Variants in ZNF831 observed in about 807,000 individuals in gnomAD.
The protein encoded by ZNF831 is zinc finger protein 831.
ZNF831 carries 59 observed loss-of-function variants against 95.8 expected under a neutral mutation model. The ratio of observed to expected loss-of-function variants is 0.62; its 90% CI spans 0.50 to 0.77. ZNF831 has a LOEUF of 0.77. Among genes scored for constraint, ZNF831 ranks in the 30% least tolerant of loss-of-function variants. The pLI is 0.00. For missense variants in ZNF831, 2,205 were observed against 2,164.0 expected (o/e 1.02, Z -0.38); for synonymous variants, 961 against 925.5 (o/e 1.04, Z -0.70).
intron 4 of ZNF831, among the ~76,000 whole-genome samples, chr20:59,237,306 G>A (rs1987051595): frequency 6.6e-6 from 1 of 152,128 alleles, no homozygotes; most frequent in Non-Finnish European, 1.5e-5. Context: ...GCTGTGGGAT[G>A]CTGGTTTTCT....
At chr20:59,167,095 C>A (rs563079168) in intron 1 of ZNF831, among the ~76,000 whole-genome samples, 42 of 152,344 alleles carry the variant, frequency 2.8e-4, no homozygotes, top group African/African-American at 1.0e-3. Context: ...CCAGCATTTG[C>A]TGTTTCACTA....
intron 1 of ZNF831, among the ~76,000 whole-genome samples, chr20:59,186,649 G>A (rs981340232): frequency 6.6e-6 from 1 of 152,218 alleles, no homozygotes; most frequent in Non-Finnish European, 1.5e-5. Context: ...TCAGCTAGTA[G>A]AAAGGTTGCA....
intron 4 of ZNF831, among the ~76,000 whole-genome samples, chr20:59,210,495 C>T (rs1265411806): frequency 6.6e-6 from 1 of 152,216 alleles, no homozygotes; most frequent in Non-Finnish European, 1.5e-5. Flanking sequence ...AGCAGGGACA[C>T]CTGCTCCTCT....
chr20:59,127,037 A>G (rs1979194251), intron 1 of ZNF831, among the ~76,000 whole-genome samples: 1 of 151,746 alleles, frequency 6.6e-6, no homozygotes. Context: ...TACCTACCTC[A>G]TGACTTCTCG....
intron 4 of ZNF831, among the ~76,000 whole-genome samples, chr20:59,209,582 T>A (rs1274904831): frequency 1.3e-5 from 2 of 152,172 alleles, no homozygotes; most frequent in Non-Finnish European, 2.9e-5. Context: ...GATGACAGTG[T>A]CTCCACTTGG....
At chr20:59,185,238 C>T (rs530676321) in intron 1 of ZNF831, among the ~76,000 whole-genome samples, 1 of 152,288 alleles carries the variant, frequency 6.6e-6, no homozygotes, top group African/African-American at 2.4e-5. Context: ...AGCGTCATCT[C>T]CCTCGAGGAA....
chr20:59,203,327 G>A (rs939782247), intron 3 of ZNF831, among the ~76,000 whole-genome samples: 1 of 151,804 alleles, frequency 6.6e-6, no homozygotes, highest in African/African-American at 2.4e-5. Context: ...ATATTTGATC[G>A]ACAGGGTCTC....
At chr20:59,168,605 T>C (rs1183295900) in intron 1 of ZNF831, among the ~76,000 whole-genome samples, 1 of 152,154 alleles carries the variant, frequency 6.6e-6, no homozygotes, top group African/African-American at 2.4e-5. Flanking sequence ...TTTATTTTAC[T>C]GGCTAAAACT....
At position 59,256,503 on chromosome 20, in the gene ZNF831, A is replaced by T. The variant is rs1364656624; in HGVS notation, c.*1760A>T. On this transcript the variant is annotated 3_prime_UTR_variant, in exon 6 of 6. Coordinates refer to ENST00000371030, the MANE Select transcript of ZNF831 (RefSeq NM_178457.3). The stretch of plus-strand genomic sequence containing the variant: ...TGTAGGCAAATGGTCTGAGCCTTGG[A>T]TGGAGATTGAAGTCCTGACTTTAGC... The T allele has an allele frequency of 6.6e-6, 1 of 152,204 alleles. No individual in the cohort carries two copies. The highest frequency in any genetic ancestry group is 1.5e-5 in the Non-Finnish European group (1 of 68,024). The allele number at this position is 152,204 out of a possible 1,614,324, so 9.4% of individuals were successfully genotyped here.
At chr20:59,187,755 T>C (rs1281990702) in intron 1 of ZNF831, among the ~76,000 whole-genome samples, 2 of 152,208 alleles carry the variant, frequency 1.3e-5, no homozygotes, top group African/African-American at 4.8e-5. Flanking sequence ...TTCCAGAACA[T>C]TTTCATCACC....
At chr20:59,137,750 G>A (rs1979555251) in intron 1 of ZNF831, among the ~76,000 whole-genome samples, 1 of 152,196 alleles carries the variant, frequency 6.6e-6, no homozygotes, top group Non-Finnish European at 1.5e-5. Flanking sequence ...CTGGGTGGAG[G>A]GACCTGGCAG....
In ZNF831 at chr20:59,256,130, G is replaced by A. The variant is rs1988177441; in HGVS notation, c.*1387G>A. On this transcript the variant is annotated 3_prime_UTR_variant, in exon 6 of 6. Coordinates refer to ENST00000371030, the MANE Select transcript of ZNF831 (RefSeq NM_178457.3). The stretch of plus-strand genomic sequence containing the variant: ...TGACATCTTGTACTTCAGAGACACA[G>A]CAGCAATGCAGAGCATCTCACACAT... 6.6e-6 allele frequency: 1 copy of A among 152,056 alleles called. No individual in the cohort carries two copies. Among genetic ancestry groups the A allele is most frequent in the African/African-American group, 2.4e-5 (1 of 41,278 alleles). 9.4% of individuals were successfully genotyped at this position (152,056 alleles called of 1,614,324 possible).
chr20:59,130,738 G>A (rs1266503359), intron 1 of ZNF831, among the ~76,000 whole-genome samples: 1 of 152,166 alleles, frequency 6.6e-6, no homozygotes, highest in African/African-American at 2.4e-5. Flanking sequence ...GGACACATCT[G>A]TGCCTTTGGT....
chr20:59,238,070 A>G (rs1239561528), intron 4 of ZNF831, among the ~76,000 whole-genome samples: 1 of 152,148 alleles, frequency 6.6e-6, no homozygotes, highest in Admixed American at 6.5e-5. Flanking sequence ...AGTCATCCAT[A>G]TTTTATCTGC....
At position 59,157,110 on chromosome 20, in the gene ZNF831, G is replaced by T. The variant is rs908199974; in HGVS notation, c.-1280-2542G>T. On this transcript the variant is annotated intron_variant, in intron 2 of 7. Coordinates refer to the ZNF831 transcript ENST00000637017. ...TTATACTCTTTTAATTTTTAAATGT[G>T]CTATAAATTATTGTTGACTGTAGTC... Among the ~76,000 whole-genome samples the T allele has an allele frequency of 5.9e-5, 9 of 152,134 alleles. No individual in the cohort carries two copies. The East Asian group carries it at 1.5e-3, about 26-fold the overall frequency.
chr20:59,151,390 C>G (rs1370186042), intron 2 of ZNF831, among the ~76,000 whole-genome samples: 1 of 152,180 alleles, frequency 6.6e-6, no homozygotes, highest in African/African-American at 2.4e-5. Flanking sequence ...GAGAATAATC[C>G]TAACCACAGT....
intron 4 of ZNF831, among the ~76,000 whole-genome samples, chr20:59,249,490 G>A (rs112591583): frequency 6.9e-4 from 105 of 152,180 alleles, no homozygotes; most frequent in African/African-American, 2.2e-3. Context: ...GAGGGCCAGC[G>A]TCACCTTTGT....
rs746394548 is a variant in ZNF831 at position 59,253,866 on chromosome 20, C to CG, written c.4189-32_4189-31insG. ...TCTTTGTACCAATTAACCTCCCCCC[C>CG]CACTTTTTTTTTCCTTTGCACTTTG... On this transcript the variant is annotated intron_variant, in intron 5 of 5. Transcript: ENST00000371030. The CG allele has an allele frequency of 2.9e-5, 33 of 1,139,068 alleles. 6 individuals carry two copies. In the East Asian group the frequency reaches 7.5e-4, roughly 26 times the overall value. 70.6% of individuals were successfully genotyped at this position (1,139,068 alleles called of 1,614,324 possible). A position where few individuals can be genotyped will look rare whatever the true frequency, so the allele number is the denominator to read the frequency against.
intron 1 of ZNF831, among the ~76,000 whole-genome samples, chr20:59,171,120 T>G (rs1452433282): frequency 6.6e-6 from 1 of 152,186 alleles, no homozygotes; most frequent in Non-Finnish European, 1.5e-5. Flanking sequence ...GCTGCAAGGT[T>G]GCAGAGGGAG....
Sources: gnomAD v4.1 joint callset for allele counts (sites outside exome capture counted in the v4.1 genomes callset) on GRCh38, gnomAD v4.1.1 for gene constraint, MANE v1.5 for transcripts, NCBI Gene and HGNC (gene_info 2026-07-23, HGNC 2026-07-21) for gene names.